Variants in OR10J1 observed in about 807,000 individuals in gnomAD.
OR10J1 encodes the protein olfactory receptor family 10 subfamily J member 1.
For missense variants in OR10J1, 474 were observed against 376.6 expected (o/e 1.26, Z -2.14); for synonymous variants, 202 against 143.8 (o/e 1.40, Z -2.89).
At chr1:159,399,723 C>T in the OR10J1 span, among the ~76,000 whole-genome samples, 1 of 151,786 alleles carries the variant, frequency 6.6e-6, no homozygotes. Context: ...CATTGTAACA[C>T]TGTAACTGTT....
At chr1:159,400,744 T>A in the OR10J1 span, among the ~76,000 whole-genome samples, 1 of 151,924 alleles carries the variant, frequency 6.6e-6, no homozygotes, top group African/African-American at 2.4e-5. Flanking sequence ...AACCTCAGAC[T>A]TATTCTGCAC....
Position 159,439,889 on chromosome 1 carries a change from C to A in OR10J1, c.98C>A (p.Ala33Glu). ...ATCACCCTTTTTGGCGTGTTCCTTG[C>A]ACTATACATCTTAACCTTAGCAGGC... ...QQITLFGVFL[A>E]LYILTLAGNI... Residue 33 changes from alanine (A) to glutamate (E), a missense_variant, in exon 1 of 1, where the codon GCA becomes GAA. Coordinates refer to ENST00000423932, the MANE Select transcript of OR10J1 (RefSeq NM_012351.3). The A allele has an allele frequency of 6.2e-7, 1 of 1,614,156 alleles. No homozygotes were observed. Among genetic ancestry groups the A allele is most frequent in the Non-Finnish European group, 8.5e-7 (1 of 1,180,036 alleles).
chr1:159,406,583 G>A, the OR10J1 span, among the ~76,000 whole-genome samples: 1 of 151,912 alleles, frequency 6.6e-6, no homozygotes, highest in Non-Finnish European at 1.5e-5. Context: ...CTGGATTAAG[G>A]GCAGAGATCA....
the OR10J1 span, chr1:159,406,430 G>C: frequency 2.8e-6 from 1 of 363,034 alleles, no homozygotes; most frequent in Non-Finnish European, 5.4e-6. Flanking sequence ...CTCCAACTAT[G>C]TAACAGATTA....
chr1:159,405,934 C>A, the OR10J1 span: 2 of 500,040 alleles, frequency 4.0e-6, no homozygotes, highest in African/African-American at 2.0e-5. Context: ...CCTCAGTGAC[C>A]CAGATCCCAG....
At chr1:159,434,479 C>T (rs79668986), upstream of OR10J1, among the ~76,000 whole-genome samples, 40 of 152,074 alleles carry the variant, frequency 2.6e-4, no homozygotes, top group East Asian at 7.7e-3. Context: ...CAGCACAACC[C>T]CAAAGAGGAA....
At chr1:159,399,570 C>CAAAAAAAAAAAAA in the OR10J1 span, among the ~76,000 whole-genome samples, 2 of 56,104 alleles carry the variant, frequency 3.6e-5, no homozygotes, top group African/African-American at 7.3e-5. Flanking sequence ...GATTCTGTCT[C>CAAAAAAAAAAAAA]AAAAAAAAAA....
the OR10J1 span, among the ~76,000 whole-genome samples, chr1:159,418,582 T>C: frequency 6.6e-6 from 1 of 152,206 alleles, no homozygotes; most frequent in South Asian, 2.1e-4. Context: ...AGGCAGAAGT[T>C]TGCTGCAGGG....
chr1:159,430,677 G>GCGCA, the OR10J1 span, among the ~76,000 whole-genome samples: 18 of 151,532 alleles, frequency 1.2e-4, no homozygotes, highest in East Asian at 1.2e-3. Flanking sequence ...GTGCGCGCGC[G>GCGCA]CACATGTTTG....
At chr1:159,423,652 A>G in the OR10J1 span, among the ~76,000 whole-genome samples, 1 of 152,212 alleles carries the variant, frequency 6.6e-6, no homozygotes, top group African/African-American at 2.4e-5. Flanking sequence ...AGAAAATTCT[A>G]CAAACCATGC....
At chr1:159,414,228 C>T in the OR10J1 span, among the ~76,000 whole-genome samples, 1 of 152,102 alleles carries the variant, frequency 6.6e-6, no homozygotes, top group South Asian at 2.1e-4. Context: ...TGACCAACTT[C>T]TCTTCATCAC....
upstream of OR10J1, among the ~76,000 whole-genome samples, chr1:159,437,326 T>G (rs1655764770): frequency 6.6e-6 from 1 of 152,042 alleles, no homozygotes; most frequent in Admixed American, 6.6e-5. Flanking sequence ...ACGACCATAT[T>G]TAAATACTTC....
chr1:159,431,453 G>A, the OR10J1 span, among the ~76,000 whole-genome samples: 19 of 152,182 alleles, frequency 1.2e-4, no homozygotes, highest in Non-Finnish European at 2.5e-4. Flanking sequence ...TCCTTGGCTT[G>A]AACTCATTCA....
At chr1:159,417,827 T>C in the OR10J1 span, among the ~76,000 whole-genome samples, 2 of 152,202 alleles carry the variant, frequency 1.3e-5, no homozygotes, top group Non-Finnish European at 2.9e-5. Flanking sequence ...TAGAAACATA[T>C]TGACTGGCTT....
In OR10J1 at chr1:159,440,090, A is replaced by T; in HGVS notation, c.299A>T (p.Gln100Leu). Residue 100 changes from glutamine to leucine, a missense_variant, in exon 1 of 1, where the codon CAG becomes CTG. Gln to Leu is a moderately radical substitution (Grantham distance 113). Transcript: ENST00000423932. The part of the protein sequence containing the change: ...QPISLAGCAT[Q>L]MFFFVTFGIT... ...ATATCATTGGCAGGGTGTGCCACACAGATGTTCTTTTTTGTAACCTTTGGC... is the reference window on the plus strand; with the variant it reads ...ATATCATTGGCAGGGTGTGCCACACTGATGTTCTTTTTTGTAACCTTTGGC... The T allele has an allele frequency of 1.2e-6, 2 of 1,614,070 alleles. No homozygotes were observed. Among genetic ancestry groups the T allele is most frequent in the South Asian group, 2.2e-5 (2 of 91,078 alleles).
the OR10J1 span, among the ~76,000 whole-genome samples, chr1:159,425,712 G>C: frequency 6.6e-6 from 1 of 152,080 alleles, no homozygotes; most frequent in African/African-American, 2.4e-5. Flanking sequence ...TTTACTGAAA[G>C]GATGACAGGA....
At chr1:159,403,199 C>T in the OR10J1 span, among the ~76,000 whole-genome samples, 1 of 152,104 alleles carries the variant, frequency 6.6e-6, no homozygotes, top group South Asian at 2.1e-4. Flanking sequence ...CATTATTAAC[C>T]TGGGCAAAAA....
the OR10J1 span, among the ~76,000 whole-genome samples, chr1:159,428,438 G>C: frequency 1.3e-5 from 2 of 151,920 alleles, no homozygotes; most frequent in African/African-American, 4.8e-5. Context: ...CTTTCTCATA[G>C]GTTTCAATTC....
the OR10J1 span, among the ~76,000 whole-genome samples, chr1:159,407,139 C>A: frequency 1.3e-5 from 2 of 152,110 alleles, no homozygotes; most frequent in Non-Finnish European, 2.9e-5. Flanking sequence ...GCATCTTCAA[C>A]TTTGATAGAG....
Sources: gnomAD v4.1 joint callset for allele counts (sites outside exome capture counted in the v4.1 genomes callset) on GRCh38, gnomAD v4.1.1 for gene constraint, MANE v1.5 for transcripts, NCBI Gene and HGNC (gene_info 2026-07-23, HGNC 2026-07-21) for gene names.